Variants in THSD4 observed in about 807,000 individuals in gnomAD.
The protein encoded by THSD4 is thrombospondin type 1 domain containing 4, also known as thrombospondin type-1 domain-containing protein 4.
In THSD4, 69 loss-of-function variants were observed where a neutral mutation model predicts 119.0. The observed-to-expected ratio is 0.58, with a 90% CI of 0.48 to 0.71. THSD4 has a LOEUF of 0.71. Ranked by LOEUF, THSD4 falls within the 30% of genes least tolerant of loss-of-function variation. THSD4 has a pLI of 0.00. For synonymous variants in THSD4, 524 were observed against 540.4 expected, an observed-to-expected ratio of 0.97 and a Z score of 0.42; for missense variants, 1,393 against 1,391.1, an observed-to-expected ratio of 1.00 and a Z score of -0.02.
intron 14 of THSD4, among the ~76,000 whole-genome samples, chr15:71,749,853 C>A (rs533640592): frequency 2.0e-5 from 3 of 151,850 alleles, no homozygotes; most frequent in Admixed American, 2.0e-4. Flanking sequence ...CCCTGCCCCC[C>A]TCCCGCCAAC....
intron 1 of THSD4, among the ~76,000 whole-genome samples, chr15:71,105,165 C>A (rs1242098694): frequency 6.6e-6 from 1 of 152,136 alleles, no homozygotes; most frequent in Admixed American, 6.5e-5. Context: ...TTTTAGTTTT[C>A]AGCCTCTACT....
chr15:71,368,384 C>T (rs1402062943), intron 6 of THSD4, among the ~76,000 whole-genome samples: 1 of 152,118 alleles, frequency 6.6e-6, no homozygotes, highest in African/African-American at 2.4e-5. Flanking sequence ...AATGTAATTG[C>T]CTAGGTTTTC....
intron 7 of THSD4, among the ~76,000 whole-genome samples, chr15:71,526,151 C>T (rs754634390): frequency 2.0e-5 from 3 of 152,132 alleles, no homozygotes; most frequent in African/African-American, 4.8e-5. Context: ...CTACTTGAAC[C>T]GAGTTTCATT....
intron 8 of THSD4, among the ~76,000 whole-genome samples, chr15:71,664,392 A>AT (rs1447968667): frequency 1.3e-5 from 2 of 151,884 alleles, no homozygotes; most frequent in Non-Finnish European, 2.9e-5. Context: ...AATATTTGGT[A>AT]TTTTTTTAAA....
At chr15:71,518,126 T>C (rs1212528466) in intron 7 of THSD4, among the ~76,000 whole-genome samples, 1 of 152,212 alleles carries the variant, frequency 6.6e-6, no homozygotes, top group Non-Finnish European at 1.5e-5. Flanking sequence ...CATTGCTCAA[T>C]TCCATGAAAT....
At chr15:71,128,665 A>G (rs2040476186) in intron 1 of THSD4, among the ~76,000 whole-genome samples, 2 of 152,234 alleles carry the variant, frequency 1.3e-5, no homozygotes, top group African/African-American at 2.4e-5. Flanking sequence ...ATAAGACTCA[A>G]ACTTAGAGAT....
At chr15:71,368,552 C>T (rs1221539361) in intron 6 of THSD4, among the ~76,000 whole-genome samples, 14 of 152,178 alleles carry the variant, frequency 9.2e-5, no homozygotes, top group Admixed American at 7.2e-4. Context: ...ATCCTTTCCC[C>T]ATTTCTTGTT....
rs1195413080 is a variant in THSD4 at position 71,442,579 on chromosome 15, A to AAAAAAATAT, written c.1152+30757_1152+30758insAAAAATATA. On this transcript the variant is annotated intron_variant, in intron 7 of 17. Transcript: ENST00000261862. ...GCAAAACTCCATCTCAAAAAAAAAA[A>AAAAAAATAT]ATATATATATATATATATATATGTG... Among the ~76,000 whole-genome samples, 111 of 39,838 alleles carry AAAAAAATAT rather than the reference A, an allele frequency of 2.8e-3. 6 individuals carry two copies. Among genetic ancestry groups the AAAAAAATAT allele is most frequent in the South Asian group, 9.0e-3 (7 of 774 alleles). The allele number at this position is 39,838 out of a possible 152,430, so 26.1% of individuals were successfully genotyped here. A position where few individuals can be genotyped will look rare whatever the true frequency, so the allele number is the denominator to read the frequency against.
intron 6 of THSD4, among the ~76,000 whole-genome samples, chr15:71,365,835 ACTCT>A (rs1312868337): frequency 6.6e-6 from 1 of 151,892 alleles, no homozygotes; most frequent in Non-Finnish European, 1.5e-5. Context: ...TTTTTTGATC[ACTCT>A]CAAGTCATCA....
At chr15:71,685,533 G>A (rs2141039405) in intron 8 of THSD4, among the ~76,000 whole-genome samples, 1 of 152,168 alleles carries the variant, frequency 6.6e-6, no homozygotes, top group South Asian at 2.1e-4. Flanking sequence ...TTTACAATTT[G>A]CAAATACTGT....
chr15:71,199,452 TG>T (rs770518842), intron 3 of THSD4, among the ~76,000 whole-genome samples: 87 of 109,186 alleles, frequency 8.0e-4, no homozygotes, highest in Non-Finnish European at 1.4e-3. Flanking sequence ...TGTGTGTGTG[TG>T]GGGGGGGGTG....
chr15:71,747,268 G>A (rs2053358668), intron 13 of THSD4, among the ~76,000 whole-genome samples: 1 of 152,192 alleles, frequency 6.6e-6, no homozygotes, highest in South Asian at 2.1e-4. Flanking sequence ...GTGAGCCCAG[G>A]GGGAGCCCTC....
intron 6 of THSD4, among the ~76,000 whole-genome samples, chr15:71,343,068 T>A (rs2045604167): frequency 6.6e-6 from 1 of 152,208 alleles, no homozygotes. Flanking sequence ...ATTTCTTCTC[T>A]GGACAAACAA....
intron 8 of THSD4, among the ~76,000 whole-genome samples, chr15:71,676,343 A>G (rs565262028): frequency 6.6e-6 from 1 of 152,240 alleles, no homozygotes; most frequent in Admixed American, 6.5e-5. Flanking sequence ...GTGCGGTGGC[A>G]CGATCTCAGC....
At chr15:71,606,787 G>A (rs1026479178) in intron 7 of THSD4, among the ~76,000 whole-genome samples, 1 of 152,160 alleles carries the variant, frequency 6.6e-6, no homozygotes, top group African/African-American at 2.4e-5. Context: ...TGATCCACCT[G>A]CCTCAGCCTC....
At chr15:71,543,647 A>C (rs1336405145) in intron 7 of THSD4, among the ~76,000 whole-genome samples, 1 of 152,216 alleles carries the variant, frequency 6.6e-6, no homozygotes, top group Non-Finnish European at 1.5e-5. Flanking sequence ...TTTGGAGTAC[A>C]TTTGAGGAAT....
At chr15:71,299,520 C>A (rs546013897) in intron 6 of THSD4, among the ~76,000 whole-genome samples, 102 of 152,110 alleles carry the variant, frequency 6.7e-4, no homozygotes, top group Non-Finnish European at 1.1e-3. Context: ...CTAAAGAGTT[C>A]AGTTCATAGA....
At chr15:71,364,004 A>C (rs1169043900) in intron 6 of THSD4, among the ~76,000 whole-genome samples, 2 of 152,180 alleles carry the variant, frequency 1.3e-5, no homozygotes, top group Admixed American at 1.3e-4. Flanking sequence ...AATAGTATTC[A>C]TTAAAGTTGT....
At chr15:71,517,790 A>G (rs755817881) in intron 7 of THSD4, among the ~76,000 whole-genome samples, 12 of 152,352 alleles carry the variant, frequency 7.9e-5, no homozygotes, top group Middle Eastern at 6.8e-3. Flanking sequence ...CTTCAGGCCC[A>G]TGGAAAAAGG....
Sources: allele counts gnomAD v4.1 joint callset (sites outside exome capture counted in the v4.1 genomes callset), GRCh38; gene constraint gnomAD v4.1.1; transcripts MANE v1.5; gene names NCBI Gene and HGNC (gene_info 2026-07-23, HGNC 2026-07-21).